ATP6V0D1: variants seen among roughly 807,000 people sequenced by gnomAD.
ATP6V0D1 encodes V-type proton ATPase subunit d 1.
A neutral mutation model predicts 39.0 loss-of-function variants in ATP6V0D1; 13 were observed. That is an observed-to-expected ratio of 0.33 (90% CI 0.22 to 0.53). ATP6V0D1 has a LOEUF of 0.53. ATP6V0D1 is among the 20% of genes least tolerant of loss of function. The pLI is 0.94. For synonymous variants in ATP6V0D1, 191 were observed against 191.2 expected (o/e 1.00, Z 0.01); for missense variants, 272 against 470.9 (o/e 0.58, Z 3.91).
intron 2 of ATP6V0D1, among the ~76,000 whole-genome samples, chr16:67,448,659 CAAA>C (rs34654965): frequency 1.6e-4 from 8 of 49,460 alleles, no homozygotes; most frequent in Admixed American, 2.3e-4. Flanking sequence ...GACTCCAGCT[CAAA>C]AAAAAAAAAA....
rs772035676 is a variant in ATP6V0D1 at position 67,481,118 on chromosome 16, C to T, written c.-32G>A. 2.5e-6 allele frequency: 4 copies of T among 1,612,406 alleles called. No individual in the cohort carries two copies. The highest frequency in any genetic ancestry group is 2.2e-5 in the East Asian group (1 of 44,852). On this transcript the variant is annotated 5_prime_UTR_variant, in exon 1 of 8. Transcript: ENST00000290949. Reference sequence around the variant, plus strand: ...TGCGGGAGCGGCGGGACCGGAGAACCAGGACCGGCCGGCACGAATCGCGAC... The same window carrying T: ...TGCGGGAGCGGCGGGACCGGAGAACTAGGACCGGCCGGCACGAATCGCGAC...
At chr16:67,445,639 G>A (rs972624398) in intron 2 of ATP6V0D1, among the ~76,000 whole-genome samples, 21 of 152,174 alleles carry the variant, frequency 1.4e-4, no homozygotes, top group Admixed American at 8.5e-4. Context: ...ATCCCAGGCC[G>A]AGGCTCCCAT....
chr16:67,473,013 C>G (rs1197448492), intron 1 of ATP6V0D1, among the ~76,000 whole-genome samples: 1 of 152,158 alleles, frequency 6.6e-6, no homozygotes, highest in East Asian at 1.9e-4. Context: ...AGCAATATGT[C>G]CTTCTAAGAC....
intron 2 of ATP6V0D1, among the ~76,000 whole-genome samples, chr16:67,445,445 G>T (rs1205854472): frequency 6.6e-6 from 1 of 152,208 alleles, no homozygotes; most frequent in Non-Finnish European, 1.5e-5. Flanking sequence ...CTTCTCCAGG[G>T]AAGGCCAGCA....
At position 67,438,852 on chromosome 16, in the gene ATP6V0D1, C is replaced by G. The variant is rs201131049; in HGVS notation, c.835G>C (p.Glu279Gln). 6 of 1,611,110 alleles carry G rather than the reference C, an allele frequency of 3.7e-6. No homozygotes were observed. Among genetic ancestry groups the G allele is most frequent in the Middle Eastern group, 1.6e-4 (1 of 6,082 alleles). ...DYYPEYKLLF[E>Q]GAGSNPGDKT... ...TCTCCAGGGTTGCTACCTGCACCCT[C>G]GAAGAGCAGCTTGTACTCCTGGCCA... Residue 279 changes from glutamate (E) to glutamine (Q), a missense_variant, in exon 7 of 8, where the codon GAG becomes CAG. Physicochemically the swap from Glu to Gln is conservative, Grantham distance 29. This residue lies in a region of ATP6V0D1 where 21 missense variants were observed against 16.5 expected (regional missense o/e 1.27). Transcript: ENST00000290949.
intron 1 of ATP6V0D1, among the ~76,000 whole-genome samples, chr16:67,465,004 A>G (rs1483541730): frequency 6.6e-6 from 1 of 152,222 alleles, no homozygotes; most frequent in Non-Finnish European, 1.5e-5. Flanking sequence ...GTTTGGACAC[A>G]CAGAGCAGGT....
chr16:67,458,964 C>T, intron 1 of ATP6V0D1: 1 of 800,878 alleles, frequency 1.2e-6, no homozygotes, highest in African/African-American at 1.9e-5. Flanking sequence ...CTCTCCATAC[C>T]ATCACCAGAA....
At position 67,456,219 on chromosome 16, in the gene ATP6V0D1, G is replaced by C. The variant is rs1382036232; in HGVS notation, c.131-2504C>G. On this transcript the variant is annotated intron_variant, in intron 1 of 7. Coordinates refer to ENST00000290949, the MANE Select transcript of ATP6V0D1 (RefSeq NM_004691.5). This position sits in a 1 kb window ranked among gnomAD's most constrained non-coding sequence, Gnocchi z 4.1. The stretch of plus-strand genomic sequence containing the variant: ...TCACTATGTTGGCCAGGCTGGTCTC[G>C]AACTCCTGACCTCAGCCTCCACCTG... The C allele has an allele frequency of 1.3e-5, 2 of 151,870 alleles. No individual in the cohort carries two copies. Among genetic ancestry groups the C allele is most frequent in the Admixed American group, 6.6e-5 (1 of 15,240 alleles). The allele number at this position is 151,870 out of a possible 1,614,324, so 9.4% of individuals were successfully genotyped here.
intron 1 of ATP6V0D1, chr16:67,454,715 C>G (rs2041220190): frequency 3.9e-5 from 6 of 152,150 alleles, no homozygotes; most frequent in Admixed American, 3.9e-4. Flanking sequence ...ACAAGGCAGA[C>G]CATGCCATTC....
At chr16:67,469,167 G>T (rs574574240) in intron 1 of ATP6V0D1, among the ~76,000 whole-genome samples, 2 of 152,260 alleles carry the variant, frequency 1.3e-5, no homozygotes, top group South Asian at 4.1e-4. Context: ...AATTAGCCAG[G>T]CGTGGTGGCA....
intron 2 of ATP6V0D1, among the ~76,000 whole-genome samples, chr16:67,452,084 G>A (rs763063594): frequency 6.6e-6 from 1 of 152,260 alleles, no homozygotes; most frequent in South Asian, 2.1e-4. Flanking sequence ...CTGCTTCCTG[G>A]TATGTCCTCA....
Position 67,447,488 on chromosome 16 carries a change from A to G in ATP6V0D1, c.303-2782T>C, listed in dbSNP as rs955000947. Among the ~76,000 whole-genome samples the G allele has an allele frequency of 2.6e-5, 4 of 151,934 alleles. No homozygotes were observed. The highest frequency in any genetic ancestry group is 7.3e-5 in the African/African-American group (3 of 41,338). On this transcript the variant is annotated intron_variant, in intron 2 of 7. Coordinates refer to ENST00000290949, the MANE Select transcript of ATP6V0D1 (RefSeq NM_004691.5). The surrounding 1 kb of genome is among the most constrained non-coding windows in gnomAD (Gnocchi z 4.1). ...CCTGCCCCCAGAAAGCCACTCCACC[A>G]TTCCTCCCCTCATTTGGCCTCAATA... is the stretch of plus-strand genomic sequence containing the variant.
chr16:67,446,053 T>C, intron 2 of ATP6V0D1: 1 of 432,500 alleles, frequency 2.3e-6, no homozygotes, highest in Non-Finnish European at 4.7e-6. Context: ...GGGCCAGAGC[T>C]AGGCCCCTGC....
chr16:67,444,843 G>A lies in ATP6V0D1; in HGVS notation c.303-137C>T, dbSNP rs1463538390. The A allele has an allele frequency of 9.0e-6, 7 of 775,466 alleles. No individual in the cohort carries two copies. The highest frequency in any genetic ancestry group is 7.1e-5 in the African/African-American group (4 of 56,384). The allele number at this position is 775,466 out of a possible 1,614,324, so 48.0% of individuals were successfully genotyped here. On this transcript the variant is annotated intron_variant, in intron 2 of 7. Transcript: ENST00000290949. The surrounding 1 kb of genome is among the most constrained non-coding windows in gnomAD (Gnocchi z 4.8). ...GCTGACTCATGGGTGCTGCGGATAAGCACCAGTGTCTCCTCTCCCTCCCCA... is the reference window on the plus strand; with the variant it reads ...GCTGACTCATGGGTGCTGCGGATAAACACCAGTGTCTCCTCTCCCTCCCCA...
intron 1 of ATP6V0D1, among the ~76,000 whole-genome samples, chr16:67,469,948 A>T (rs2041359790): frequency 6.6e-6 from 1 of 152,174 alleles, no homozygotes; most frequent in African/African-American, 2.4e-5. Flanking sequence ...CTGGTAGTCT[A>T]CCAAGATGAG....
intron 2 of ATP6V0D1, among the ~76,000 whole-genome samples, chr16:67,452,073 A>C (rs1597574107): frequency 6.6e-6 from 1 of 152,384 alleles, no homozygotes; most frequent in East Asian, 1.9e-4. Context: ...CAATAAATGT[A>C]CTGCTTCCTG....
intron 1 of ATP6V0D1, among the ~76,000 whole-genome samples, chr16:67,468,721 G>A (rs374293546): frequency 1.1e-4 from 16 of 151,974 alleles, no homozygotes; most frequent in Non-Finnish European, 1.6e-4. Flanking sequence ...AAGCATTTCC[G>A]TCTCTGCCAT....
rs1212137568 is a variant in ATP6V0D1 at position 67,447,299 on chromosome 16, C to T, written c.303-2593G>A. 6.6e-6 allele frequency among the ~76,000 whole-genome samples: 1 copy of T among 152,248 alleles called. No individual in the cohort carries two copies. The highest frequency in any genetic ancestry group is 1.5e-5 in the Non-Finnish European group (1 of 68,038). ...TGCTGCTGCAGCCCTGCTTTTCTCT[C>T]CTGCCCAGTGAGGGGCAGAATCCTC... On this transcript the variant is annotated intron_variant, in intron 2 of 7. Transcript: ENST00000290949. This position sits in a 1 kb window ranked among gnomAD's most constrained non-coding sequence, Gnocchi z 4.1.
chr16:67,453,795 T>G lies in ATP6V0D1; in HGVS notation c.131-80A>C, dbSNP rs2041208774. The G allele has an allele frequency of 2.1e-6, 3 of 1,409,930 alleles. No homozygotes were observed. The South Asian group carries it at 3.7e-5, about 18-fold the overall frequency. The allele number at this position is 1,409,930 out of a possible 1,614,324, so 87.3% of individuals were successfully genotyped here. On this transcript the variant is annotated intron_variant, in intron 1 of 7. Transcript: ENST00000290949. This position sits in a 1 kb window ranked among gnomAD's most constrained non-coding sequence, Gnocchi z 4.1. ...CCCAAGTCCCCATCCCCACCCCAACTCAGCCCCAGCTCTCCCCTGCAGTTG... is the reference window on the plus strand; with the variant it reads ...CCCAAGTCCCCATCCCCACCCCAACGCAGCCCCAGCTCTCCCCTGCAGTTG...
Sources: gnomAD v4.1 joint callset for allele counts (sites outside exome capture counted in the v4.1 genomes callset) on GRCh38, gnomAD v4.1.1 for gene constraint, gnomAD v4.1.1 regional missense constraint, Gnocchi (gnomAD v3.1) non-coding constraint, MANE v1.5 for transcripts, NCBI Gene and HGNC (gene_info 2026-07-23, HGNC 2026-07-21) for gene names.